The following FAAP20 variants were observed in gnomAD, a reference collection of about 807,000 sequenced individuals.
The protein encoded by FAAP20 is FA core complex associated protein 20.
FAAP20 carries 12 observed loss-of-function variants against 16.2 expected under a neutral mutation model. The observed-to-expected ratio is 0.74, with a 90% CI of 0.48 to 1.20. The LOEUF (loss-of-function observed/expected upper bound fraction) is 1.20, where lower values mean the gene tolerates loss of function less well. FAAP20 is among the 50% of genes most tolerant of loss of function. The pLI is 0.00. For synonymous variants in FAAP20, 141 were observed against 110.7 expected, an observed-to-expected ratio of 1.27 and a Z score of -1.72; for missense variants, 288 against 245.8, an observed-to-expected ratio of 1.17 and a Z score of -1.15.
At chr1:2,193,964 C>A (rs1023639707) in intron 2 of FAAP20, 34 bp downstream of exon 2, 1 of 1,611,948 alleles carries the variant, frequency 6.2e-7, no homozygotes, top group Non-Finnish European at 8.5e-7. Flanking sequence ...CCCTGGAAAC[C>A]CCTTCATCGC....
chr1:2,186,481 A>G (rs1687605174), downstream of FAAP20, among the ~76,000 whole-genome samples: 1 of 139,538 alleles, frequency 7.2e-6, no homozygotes, highest in African/African-American at 2.7e-5. Context: ...CCCCGGCCCG[A>G]GACCCTGGAC....
chr1:2,208,260 C>T (rs991014112), downstream of FAAP20, among the ~76,000 whole-genome samples: 2 of 152,080 alleles, frequency 1.3e-5, no homozygotes, highest in Non-Finnish European at 2.9e-5. Flanking sequence ...GGGTCCCAGG[C>T]CAGGGGTGTC....
At chr1:2,197,389 G>A (rs1046535255), upstream of FAAP20, among the ~76,000 whole-genome samples, 3 of 152,340 alleles carry the variant, frequency 2.0e-5, no homozygotes, top group South Asian at 4.1e-4. Flanking sequence ...ACCCAGACCC[G>A]GGACACCTGC....
chr1:2,185,339 C>T (rs1016106065), downstream of FAAP20: 18 of 718,684 alleles, frequency 2.5e-5, no homozygotes, highest in Admixed American at 4.0e-5. Flanking sequence ...TGACCTGCTC[C>T]GCCAGGAAAG....
chr1:2,184,694 G>T, downstream of FAAP20: 1 of 1,612,708 alleles, frequency 6.2e-7, no homozygotes, highest in Non-Finnish European at 8.5e-7. Context: ...GACCCCAGAC[G>T]ATGAGTGAGT....
rs534552799 is a variant in FAAP20 at position 2,199,801 on chromosome 1, G to A, written n.107C>T. On this transcript the variant is annotated non_coding_transcript_exon_variant, in exon 1 of 4. Transcript: ENST00000401813. This position sits in a 1 kb window ranked among gnomAD's most constrained non-coding sequence, Gnocchi z 4.5. ...CTTGTAAGAAAAGGAAAATTGTCCG[G>A]GTGCAGTGTCTCACGCCTGCAATCC... 270 of 289,582 alleles carry A rather than the reference G, an allele frequency of 9.3e-4. No individual in the cohort carries two copies. Among genetic ancestry groups the A allele is most frequent in the Middle Eastern group, 1.7e-3 (1 of 578 alleles). The allele number at this position is 289,582 out of a possible 1,614,324, so 17.9% of individuals were successfully genotyped here. A position where few individuals can be genotyped will look rare whatever the true frequency, so the allele number is the denominator to read the frequency against.
Position 2,189,590 on chromosome 1 carries a change from A to C in FAAP20, c.*119T>G. On this transcript the variant is annotated 3_prime_UTR_variant, in exon 4 of 4. Transcript: ENST00000378546. The stretch of plus-strand genomic sequence containing the variant: ...GACAGACAGGAGCCCGCCCTGCTTT[A>C]ATGCGCATGCGGGGGAGCCGAGAGG... The C allele has an allele frequency of 8.9e-6, 7 of 787,596 alleles. No homozygotes were observed. Among genetic ancestry groups the C allele is most frequent in the African/African-American group, 1.7e-5 (1 of 59,480 alleles). The allele number at this position is 787,596 out of a possible 1,614,324, so 48.8% of individuals were successfully genotyped here.
At chr1:2,190,275 A>C (rs1290172467) in intron 3 of FAAP20, 4 of 456,704 alleles carry the variant, frequency 8.8e-6, no homozygotes, top group South Asian at 4.6e-5. Flanking sequence ...CTCACCACGG[A>C]GAAGGACGCC....
intron 3 of FAAP20, chr1:2,191,522 C>T (rs146631776): frequency 0.016 from 2,400 of 152,478 alleles, 26 homozygotes; most frequent in Non-Finnish European, 0.025. Flanking sequence ...CCGAGACGGG[C>T]GGATCACCTG....
chr1:2,189,281 G>A (rs1448617790), downstream of FAAP20, among the ~76,000 whole-genome samples: 1 of 143,428 alleles, frequency 7.0e-6, no homozygotes, highest in Non-Finnish European at 1.5e-5. Context: ...GCAATGAGCC[G>A]TGATTGCACC....
upstream of FAAP20, chr1:2,203,621 C>T (rs1458555194): frequency 1.7e-5 from 17 of 985,758 alleles, no homozygotes; most frequent in Non-Finnish European, 2.0e-5. Context: ...GATGCAGCTG[C>T]GTCTGGGGCC....
chr1:2,189,745 C>T lies in FAAP20; in HGVS notation c.507G>A (p.Gln169=). 1 of 1,612,488 alleles carries T rather than the reference C, an allele frequency of 6.2e-7. No individual in the cohort carries two copies. Among genetic ancestry groups the T allele is most frequent in the Non-Finnish European group, 8.5e-7 (1 of 1,179,556 alleles). Residue 169 remains glutamine (Q), a synonymous_variant, in exon 4 of 4, where the codon CAG becomes CAA. Transcript: ENST00000378546. ...CGTCTTCTGTGCTTTCGGCCAAGCACTGGGCCAGGTGGCTGTCAACATCCA... is the reference window on the plus strand; with the variant it reads ...CGTCTTCTGTGCTTTCGGCCAAGCATTGGGCCAGGTGGCTGTCAACATCCA... ...TQLDVDSHLA[Q]CLAESTEDVT...
upstream of FAAP20, among the ~76,000 whole-genome samples, chr1:2,195,477 C>T (rs574927722): frequency 3.3e-5 from 5 of 152,368 alleles, no homozygotes; most frequent in East Asian, 7.7e-4. Flanking sequence ...GCCACCCTCA[C>T]GGAAGGAGTG....
At chr1:2,197,106 C>G (rs1166588707), upstream of FAAP20, among the ~76,000 whole-genome samples, 1 of 152,196 alleles carries the variant, frequency 6.6e-6, no homozygotes, top group African/African-American at 2.4e-5. Flanking sequence ...CATCTCCTTC[C>G]CTGCCTGGGT....
downstream of FAAP20, chr1:2,186,954 T>G (rs1409654957): frequency 3.6e-6 from 1 of 274,026 alleles, no homozygotes. Context: ...AGTAATTTGT[T>G]TTATAAATTA....
At chr1:2,189,016 A>AAG (rs1687858232), downstream of FAAP20, among the ~76,000 whole-genome samples, 1 of 145,640 alleles carries the variant, frequency 6.9e-6, no homozygotes, top group African/African-American at 2.6e-5. Context: ...AAAAAGAAAA[A>AAG]AAAAAAAAAA....
upstream of FAAP20, among the ~76,000 whole-genome samples, chr1:2,201,579 G>T (rs760277129): frequency 6.6e-6 from 1 of 152,126 alleles, no homozygotes; most frequent in Admixed American, 6.6e-5. Flanking sequence ...AAATTTAGCC[G>T]GGCGTGGTGC....
downstream of FAAP20, among the ~76,000 whole-genome samples, chr1:2,208,537 G>A (rs1039503286): frequency 6.6e-6 from 1 of 152,172 alleles, no homozygotes; most frequent in African/African-American, 2.4e-5. Context: ...GAGGGGGTGA[G>A]TACCAGGCCC....
chr1:2,187,076 C>A, downstream of FAAP20: 1 of 423,730 alleles, frequency 2.4e-6, no homozygotes, highest in Non-Finnish European at 4.9e-6. Flanking sequence ...GACTTGGGGG[C>A]TGCACAGTGG....
Sources: gnomAD v4.1 joint callset for allele counts (sites outside exome capture counted in the v4.1 genomes callset) on GRCh38, gnomAD v4.1.1 for gene constraint, Gnocchi (gnomAD v3.1) non-coding constraint, MANE v1.5 for transcripts, NCBI Gene and HGNC (gene_info 2026-07-23, HGNC 2026-07-21) for gene names.